SYNCRIP: variants seen among roughly 807,000 people sequenced by gnomAD.
SYNCRIP encodes the protein synaptotagmin binding cytoplasmic RNA interacting protein, also known as heterogeneous nuclear ribonucleoprotein Q.
A neutral mutation model predicts 68.9 loss-of-function variants in SYNCRIP; 9 were observed. The ratio of observed to expected loss-of-function variants is 0.13; its 90% CI spans 0.08 to 0.23. The LOEUF is 0.23. SYNCRIP is among the 10% of genes least tolerant of loss of function. The probability of loss-of-function intolerance (pLI) is 1.00; values close to 1 mark genes in which losing one functional copy is unlikely to be tolerated. For synonymous variants in SYNCRIP, 258 were observed against 254.0 expected (o/e 1.02, Z -0.15); for missense variants, 414 against 770.6 (o/e 0.54, Z 5.48).
At chr6:85,626,464 AGG>A (rs763804246) in intron 6 of SYNCRIP, among the ~76,000 whole-genome samples, 1 of 152,018 alleles carries the variant, frequency 6.6e-6, no homozygotes, top group Non-Finnish European at 1.5e-5. Flanking sequence ...TGGTATAATG[AGG>A]GGGGGAACTG....
At chr6:85,612,948 G>GTTAGA, downstream of SYNCRIP, 1 of 1,549,712 alleles carries the variant, frequency 6.5e-7, no homozygotes, top group East Asian at 2.4e-5. Flanking sequence ...AAAGGAATCA[G>GTTAGA]TTAGATAAAT....
At chr6:85,625,933 G>A (rs778389047) in intron 6 of SYNCRIP, among the ~76,000 whole-genome samples, 1 of 152,176 alleles carries the variant, frequency 6.6e-6, no homozygotes, top group Non-Finnish European at 1.5e-5. Flanking sequence ...AAGAAGTGGG[G>A]ACTTGCTGCT....
At chr6:85,623,562 C>CAAAAAAAAAA (rs67258131) in intron 7 of SYNCRIP, among the ~76,000 whole-genome samples, 36 of 63,238 alleles carry the variant, frequency 5.7e-4, no homozygotes, top group South Asian at 1.3e-3. Context: ...AGACTGTCTC[C>CAAAAAAAAAA]AAAAAAAAAA....
At chr6:85,611,740 A>G (rs550267231), downstream of SYNCRIP, 1 of 152,672 alleles carries the variant, frequency 6.5e-6, no homozygotes, top group African/African-American at 2.4e-5. Context: ...CATGACCTGC[A>G]TAAGAAATGG....
intron 10 of SYNCRIP, among the ~76,000 whole-genome samples, chr6:85,616,451 G>C (rs1005248800): frequency 6.6e-6 from 1 of 152,028 alleles, no homozygotes; most frequent in African/African-American, 2.4e-5. Flanking sequence ...ACAGCCTCTC[G>C]AGTAGCTGGG....
At chr6:85,642,639 G>A (rs1397614124) in intron 1 of SYNCRIP, among the ~76,000 whole-genome samples, 158 bp downstream of exon 1, 2 of 152,216 alleles carry the variant, frequency 1.3e-5, no homozygotes, top group South Asian at 2.1e-4. Flanking sequence ...GGCGGCGCGG[G>A]CCGCGGCCTA....
chr6:85,635,130 A>T (rs976684706), intron 6 of SYNCRIP, among the ~76,000 whole-genome samples: 3 of 151,982 alleles, frequency 2.0e-5, no homozygotes, highest in Admixed American at 2.0e-4. Context: ...ATGCCCACAC[A>T]CTCCAGCGTG....
At chr6:85,620,022 A>T (rs1449370985) in intron 8 of SYNCRIP, among the ~76,000 whole-genome samples, 1 of 152,154 alleles carries the variant, frequency 6.6e-6, no homozygotes, top group Admixed American at 6.6e-5. Flanking sequence ...TGAGGCGGGC[A>T]GATCACCTGA....
intron 6 of SYNCRIP, among the ~76,000 whole-genome samples, chr6:85,627,823 C>A (rs1194752398): frequency 6.6e-6 from 1 of 152,166 alleles, no homozygotes; most frequent in Non-Finnish European, 1.5e-5. Context: ...TAATTATGAT[C>A]ATTAATCAAT....
chr6:85,637,209 T>C, intron 5 of SYNCRIP, 34 bp downstream of exon 5: 1 of 1,608,314 alleles, frequency 6.2e-7, no homozygotes, highest in Non-Finnish European at 8.5e-7. Context: ...CCTGTGCTTT[T>C]ACTACAAAAG....
intron 6 of SYNCRIP, among the ~76,000 whole-genome samples, chr6:85,632,135 T>C (rs1807866739): frequency 6.6e-6 from 1 of 152,174 alleles, no homozygotes. Context: ...TTTTTATAAG[T>C]CCACATACAA....
chr6:85,623,932 TTCA>T (rs1806748487), intron 7 of SYNCRIP, 42 bp downstream of exon 7: 1 of 1,599,260 alleles, frequency 6.3e-7, no homozygotes, highest in Admixed American at 1.7e-5. Context: ...GCTATTAATC[TTCA>T]TTATTAAAAG....
At chr6:85,619,923 G>A (rs951732068) in intron 8 of SYNCRIP, among the ~76,000 whole-genome samples, 1 of 152,140 alleles carries the variant, frequency 6.6e-6, no homozygotes, top group Non-Finnish European at 1.5e-5. Context: ...AAAACTTAGA[G>A]AGAGATGTTA....
intron 6 of SYNCRIP, among the ~76,000 whole-genome samples, chr6:85,629,482 G>A (rs552649599): frequency 8.7e-5 from 11 of 125,780 alleles, no homozygotes; most frequent in African/African-American, 3.2e-4. Context: ...AAGGTTTGGA[G>A]TTTGAGACCA....
At chr6:85,617,334 C>CTGATA (rs1351704081) in intron 10 of SYNCRIP, among the ~76,000 whole-genome samples, 1 of 152,104 alleles carries the variant, frequency 6.6e-6, no homozygotes, top group Non-Finnish European at 1.5e-5. Flanking sequence ...CTCCCTCTAT[C>CTGATA]AAGTACCAAA....
downstream of SYNCRIP, chr6:85,611,118 A>G (rs1805204045): frequency 6.6e-6 from 1 of 152,070 alleles, no homozygotes. Flanking sequence ...TTATTTAGAT[A>G]ACAAAAAACC....
chr6:85,640,077 A>G, intron 4 of SYNCRIP, 144 bp downstream of exon 4: 1 of 630,358 alleles, frequency 1.6e-6, no homozygotes, highest in Non-Finnish European at 2.7e-6. Context: ...AATAGTTTAA[A>G]AAAACTTAAA....
At chr6:85,634,180 G>C (rs574685450) in intron 6 of SYNCRIP, among the ~76,000 whole-genome samples, 2 of 152,142 alleles carry the variant, frequency 1.3e-5, no homozygotes, top group South Asian at 2.1e-4. Context: ...ATAATTTAAC[G>C]TATTTATTAA....
upstream of SYNCRIP, chr6:85,643,002 T>G (rs976512659): frequency 3.3e-5 from 1 of 30,724 alleles, no homozygotes; most frequent in Non-Finnish European, 6.5e-5. Context: ...TGACCCCCCC[T>G]TCCCTTCCCT....
Sources: allele counts gnomAD v4.1 joint callset (sites outside exome capture counted in the v4.1 genomes callset), GRCh38; gene constraint gnomAD v4.1.1; transcripts MANE v1.5; gene names NCBI Gene and HGNC (gene_info 2026-07-23, HGNC 2026-07-21).